The following DNAH17 variants were observed in gnomAD, a reference collection of about 807,000 sequenced individuals.
The protein encoded by DNAH17 is dynein axonemal heavy chain 17, also known as axonemal beta dynein heavy chain 17.
DNAH17 carries 376 observed loss-of-function variants against 485.6 expected under a neutral mutation model. The ratio of observed to expected loss-of-function variants is 0.77; its 90% CI spans 0.71 to 0.84. The LOEUF (loss-of-function observed/expected upper bound fraction) is 0.84, where lower values mean the gene tolerates loss of function less well. Among genes scored for constraint, DNAH17 ranks in the 40% least tolerant of loss-of-function variants. DNAH17 has a pLI of 0.00. For missense variants in DNAH17, 6,370 were observed against 5,839.3 expected (o/e 1.09, Z -2.96); for synonymous variants, 3,031 against 2,405.9 (o/e 1.26, Z -7.60).
At position 78,566,688 on chromosome 17, in the gene DNAH17, C is replaced by G. The variant is rs371836276; in HGVS notation, c.1495G>C (p.Asp499His). ...DYADFEIKIQ[D>H]LDRRLATIFC... ...ATCGTGGCCAGCCTCCTATCCAGGT[C>G]TTGGATTTTGATCTCAAAATCAGCA... Residue 499 changes from aspartate to histidine, a missense_variant, in exon 11 of 81, where the codon GAC becomes CAC. Transcript: ENST00000389840. 2 of 1,609,958 alleles carry G rather than the reference C, an allele frequency of 1.2e-6. No individual in the cohort carries two copies. The highest frequency in any genetic ancestry group is 2.7e-5 in the African/African-American group (2 of 74,866).
chr17:78,497,301 A>G (rs915411413), intron 37 of DNAH17, among the ~76,000 whole-genome samples: 15 of 152,206 alleles, frequency 9.9e-5, no homozygotes, highest in African/African-American at 3.6e-4. Flanking sequence ...CTCGCGGTAA[A>G]GCTGCTCCCA....
chr17:78,450,890 C>G, intron 66 of DNAH17, 44 bp from the exon 67 acceptor site: 1 of 1,599,454 alleles, frequency 6.3e-7, no homozygotes, highest in Non-Finnish European at 8.6e-7. Flanking sequence ...CTGGCTCTGT[C>G]CACCGGGCAC....
At chr17:78,510,298 G>A (rs1598615833) in intron 27 of DNAH17, 86 bp downstream of exon 27, 1 of 1,566,940 alleles carries the variant, frequency 6.4e-7, no homozygotes, top group Non-Finnish European at 8.7e-7. Flanking sequence ...GGGGCTGCAG[G>A]ACCCCTCTGG....
chr17:78,570,498 A>AG, intron 6 of DNAH17, 126 bp from the exon 7 acceptor site: 1 of 1,256,510 alleles, frequency 8.0e-7, no homozygotes. Context: ...AGAGGAGGGG[A>AG]GAGGCAACTC....
intron 16 of DNAH17, among the ~76,000 whole-genome samples, chr17:78,545,901 G>A (rs896918527): frequency 6.6e-6 from 1 of 151,928 alleles, no homozygotes; most frequent in Non-Finnish European, 1.5e-5. Context: ...GTTGTTCTTT[G>A]CTGATTAATA....
intron 48 of DNAH17, among the ~76,000 whole-genome samples, chr17:78,482,630 G>T (rs1184701933): frequency 6.6e-6 from 1 of 152,110 alleles, no homozygotes; most frequent in East Asian, 1.9e-4. Context: ...GTCCCTGTTT[G>T]CTTCTGCCCA....
chr17:78,426,705 C>G, intron 78 of DNAH17, 105 bp from the exon 79 acceptor site: 1 of 1,470,968 alleles, frequency 6.8e-7, no homozygotes, highest in South Asian at 1.3e-5. Flanking sequence ...CTTTGTGCTG[C>G]GCCTCTGGAG....
chr17:78,531,338 T>TG (rs1491095922), intron 20 of DNAH17, among the ~76,000 whole-genome samples: 1 of 95,214 alleles, frequency 1.1e-5, no homozygotes. Context: ...AAAGTCTGTC[T>TG]TTTTTTTTTT....
rs12951733 is a variant in DNAH17, at chr17:78,572,974, G to C, written c.346-80C>G. 3.0e-6 allele frequency: 4 copies of C among 1,312,120 alleles called. No individual in the cohort carries two copies. The Admixed American group carries it at 9.2e-5, about 30-fold the overall frequency. 81.3% of individuals were successfully genotyped at this position (1,312,120 alleles called of 1,614,324 possible). Reference sequence around the variant, plus strand: ...CCGCACAGAGCCAGGTCCCCGGGGGGTTCCAAAGACCCGGTGTCTGGAGCC... The same window carrying C: ...CCGCACAGAGCCAGGTCCCCGGGGGCTTCCAAAGACCCGGTGTCTGGAGCC... On this transcript the variant is annotated intron_variant, in intron 2 of 80. Coordinates refer to ENST00000389840, the MANE Select transcript of DNAH17 (RefSeq NM_173628.4).
In DNAH17 at chr17:78,549,953, A is replaced by C. The variant is rs539957275; in HGVS notation, c.2391+1582T>G. Among the ~76,000 whole-genome samples, 3 of 152,298 alleles carry C rather than the reference A, an allele frequency of 2.0e-5. No homozygotes were observed. In the South Asian group the frequency reaches 6.2e-4, roughly 32 times the overall value. ...GAGAGAGAGAGAACAGCCACAGAGG[A>C]GGCTGGGTGAGCATTGCAGGTAACA... On this transcript the variant is annotated intron_variant, in intron 16 of 80. Transcript: ENST00000389840.
chr17:78,461,919 C>T (rs963120329), intron 57 of DNAH17, among the ~76,000 whole-genome samples: 8 of 152,068 alleles, frequency 5.3e-5, no homozygotes. Context: ...AAGTATGAGA[C>T]ATTCCTGGTG....
chr17:78,521,283 G>A (rs1452950200), intron 25 of DNAH17, among the ~76,000 whole-genome samples: 2 of 152,142 alleles, frequency 1.3e-5, no homozygotes, highest in Non-Finnish European at 2.9e-5. Context: ...GTGTGTGTCT[G>A]TAATCCCAGC....
chr17:78,508,693 G>T (rs1366368051), intron 27 of DNAH17, among the ~76,000 whole-genome samples: 1 of 152,174 alleles, frequency 6.6e-6, no homozygotes, highest in Non-Finnish European at 1.5e-5. Context: ...AGCTGGAGAT[G>T]GGGACATGTG....
chr17:78,529,756 C>G, intron 21 of DNAH17, 62 bp from the exon 22 acceptor site: 1 of 1,544,916 alleles, frequency 6.5e-7, no homozygotes, highest in Non-Finnish European at 8.9e-7. Flanking sequence ...CTTGATGGTA[C>G]GGAGCCCCAT....
chr17:78,570,240 G>A lies in DNAH17; in HGVS notation c.1044+7C>T. On this transcript the variant is annotated splice_region_variant and intron_variant, in intron 7 of 80. Coordinates refer to ENST00000389840, the MANE Select transcript of DNAH17 (RefSeq NM_173628.4). ...GGAAGGGGACCCAGGGGCCAGGGGA[G>A]GGTTACCATCTCGATGATTTGGTTG... 6.3e-7 allele frequency: 1 copy of A among 1,576,774 alleles called. No homozygotes were observed.
intron 73 of DNAH17, among the ~76,000 whole-genome samples, chr17:78,438,756 C>T (rs1436815617): frequency 2.0e-5 from 3 of 152,016 alleles, no homozygotes; most frequent in Non-Finnish European, 4.4e-5. Context: ...GCCTTGGCCT[C>T]CCAAAGTGCT....
At position 78,445,541 on chromosome 17, in the gene DNAH17, A is replaced by AACAAC. The variant is rs1376301090; in HGVS notation, c.11334+16_11334+17insGTTGT. 1.3e-6 allele frequency: 2 copies of AACAAC among 1,559,230 alleles called. No homozygotes were observed. Among genetic ancestry groups the AACAAC allele is most frequent in the Admixed American group, 3.8e-5 (2 of 52,046 alleles). ...GGCGGGGAGAAAGCACAACGTGTTCAACGTCTAAAGACGAACCTTGATCCC... is the reference window on the plus strand; with the variant it reads ...GGCGGGGAGAAAGCACAACGTGTTCAACAACACGTCTAAAGACGAACCTTGATCCC... On this transcript the variant is annotated intron_variant, in intron 70 of 80. Transcript: ENST00000389840.
chr17:78,546,601 C>T (rs373485038), intron 16 of DNAH17, among the ~76,000 whole-genome samples: 2 of 152,152 alleles, frequency 1.3e-5, no homozygotes, highest in African/African-American at 4.8e-5. Context: ...AAATGTTTCT[C>T]TAATTTTGGA....
chr17:78,551,488 C>A (rs761789450), intron 16 of DNAH17, 47 bp downstream of exon 16: 1 of 1,579,364 alleles, frequency 6.3e-7, no homozygotes, highest in South Asian at 1.1e-5. Flanking sequence ...CCCAGGGCAG[C>A]CCCAGGCCCC....
Sources: allele counts gnomAD v4.1 joint callset (sites outside exome capture counted in the v4.1 genomes callset), GRCh38; gene constraint gnomAD v4.1.1; transcripts MANE v1.5; gene names NCBI Gene and HGNC (gene_info 2026-07-23, HGNC 2026-07-21).